The following LRMDA variants were observed in gnomAD, a reference collection of about 807,000 sequenced individuals.
LRMDA encodes leucine rich melanocyte differentiation associated, also known as leucine-rich melanocyte differentiation-associated protein.
LRMDA carries 18 observed loss-of-function variants against 29.8 expected under a neutral mutation model. That is an observed-to-expected ratio of 0.60 (90% CI 0.42 to 0.90). The LOEUF (loss-of-function observed/expected upper bound fraction) is 0.90. LRMDA is among the 40% of genes least tolerant of loss of function. The probability of loss-of-function intolerance (pLI) is 0.00; values close to 1 mark genes in which losing one functional copy is unlikely to be tolerated. For missense variants in LRMDA, 273 were observed against 273.9 expected (o/e 1.00, Z 0.02); for synonymous variants, 125 against 109.4 (o/e 1.14, Z -0.89).
At chr10:75,999,583 A>C (rs192989686) in intron 2 of LRMDA, among the ~76,000 whole-genome samples, 113 of 152,322 alleles carry the variant, frequency 7.4e-4, no homozygotes, top group Non-Finnish European at 1.4e-3. Flanking sequence ...TAAGTCCCCA[A>C]TCTAGGAGTT....
chr10:75,916,342 A>G (rs892232627), intron 2 of LRMDA, among the ~76,000 whole-genome samples: 24 of 152,148 alleles, frequency 1.6e-4, no homozygotes, highest in African/African-American at 5.8e-4. Context: ...ACTGCCAGGC[A>G]CACATGGCTA....
chr10:75,580,888 C>T (rs1840580652), intron 2 of LRMDA, among the ~76,000 whole-genome samples: 2 of 152,212 alleles, frequency 1.3e-5, no homozygotes, highest in Admixed American at 1.3e-4. Context: ...GAAACTGGAT[C>T]TCTTCCTTAC....
intron 5 of LRMDA, among the ~76,000 whole-genome samples, chr10:76,230,368 A>G (rs1006423334): frequency 3.1e-4 from 47 of 152,286 alleles, no homozygotes; most frequent in Middle Eastern, 3.4e-3. Context: ...GGGAGAATAT[A>G]CTTTTTTGGA....
At chr10:75,657,028 G>A (rs1589148431) in intron 2 of LRMDA, among the ~76,000 whole-genome samples, 2 of 152,312 alleles carry the variant, frequency 1.3e-5, no homozygotes, top group South Asian at 2.1e-4. Flanking sequence ...GGCTTGAGAG[G>A]AAGGAGCATG....
intron 5 of LRMDA, among the ~76,000 whole-genome samples, chr10:76,085,008 T>G (rs917697681): frequency 6.6e-6 from 1 of 152,178 alleles, no homozygotes; most frequent in Non-Finnish European, 1.5e-5. Flanking sequence ...ATTGCAGCAC[T>G]GGAGAGAGAT....
intron 5 of LRMDA, among the ~76,000 whole-genome samples, chr10:76,069,771 T>C (rs1465762790): frequency 6.6e-6 from 1 of 152,170 alleles, no homozygotes; most frequent in Non-Finnish European, 1.5e-5. Flanking sequence ...CGTATTTTTG[T>C]TGGGCCCATT....
rs535806806 is a variant in LRMDA at position 76,188,679 on chromosome 10, T to C, written c.516+129896T>C. ...CTGGGCCATGTGTAGATTTGTGTTT[T>C]CATTTTCAAGTTGTCTTCAAGCTCC... On this transcript the variant is annotated intron_variant, in intron 5 of 6. Transcript: ENST00000611255. Among the ~76,000 whole-genome samples the C allele has an allele frequency of 5.3e-5, 8 of 152,258 alleles. No individual in the cohort carries two copies. The South Asian group carries it at 1.7e-3, about 32-fold the overall frequency.
intron 2 of LRMDA, among the ~76,000 whole-genome samples, chr10:75,889,177 G>A (rs1290808461): frequency 1.3e-5 from 2 of 152,172 alleles, no homozygotes; most frequent in South Asian, 2.1e-4. Context: ...GCCTGTGTGC[G>A]AGATTCTTAA....
chr10:76,086,789 C>G (rs1219580744), intron 5 of LRMDA, among the ~76,000 whole-genome samples: 2 of 152,126 alleles, frequency 1.3e-5, no homozygotes, highest in African/African-American at 4.8e-5. Context: ...GAGTGATGCT[C>G]CCAGCCAAAG....
At chr10:76,457,314 C>T (rs1470999707) in intron 6 of LRMDA, among the ~76,000 whole-genome samples, 9 of 152,172 alleles carry the variant, frequency 5.9e-5, no homozygotes, top group Admixed American at 5.2e-4. Context: ...AAATCTGTAG[C>T]CCCCAAATCA....
At chr10:75,961,091 C>A (rs921838342) in intron 2 of LRMDA, among the ~76,000 whole-genome samples, 12 of 152,164 alleles carry the variant, frequency 7.9e-5, no homozygotes, top group Admixed American at 2.6e-4. Context: ...AGTTGTAAAT[C>A]TCTGGAACTC....
At chr10:75,774,953 G>A (rs1383311659) in intron 2 of LRMDA, among the ~76,000 whole-genome samples, 4 of 152,216 alleles carry the variant, frequency 2.6e-5, no homozygotes, top group Non-Finnish European at 4.4e-5. Context: ...TGATATCAGC[G>A]GTGGGAGGTG....
At chr10:76,224,667 CTTT>C (rs35143239) in intron 5 of LRMDA, among the ~76,000 whole-genome samples, 22 of 105,338 alleles carry the variant, frequency 2.1e-4, no homozygotes, top group South Asian at 3.4e-4. Flanking sequence ...GTCTAGGACT[CTTT>C]TTTTTTTTTT....
intron 2 of LRMDA, among the ~76,000 whole-genome samples, chr10:75,621,427 G>T (rs891852079): frequency 6.6e-6 from 1 of 152,180 alleles, no homozygotes; most frequent in Non-Finnish European, 1.5e-5. Context: ...CTCATGCAGT[G>T]CTCAGCACAG....
intron 2 of LRMDA, among the ~76,000 whole-genome samples, chr10:75,511,817 C>A (rs1225057304): frequency 6.6e-6 from 1 of 152,180 alleles, no homozygotes; most frequent in Non-Finnish European, 1.5e-5. Context: ...GAGCTCCCCA[C>A]CAGAGAGAAT....
intron 6 of LRMDA, among the ~76,000 whole-genome samples, chr10:76,330,408 G>T (rs1278920957): frequency 6.6e-6 from 1 of 152,194 alleles, no homozygotes; most frequent in African/African-American, 2.4e-5. Flanking sequence ...AGGCCTGTCT[G>T]TTCAGATTCT....
intron 2 of LRMDA, among the ~76,000 whole-genome samples, chr10:75,991,723 TTTTG>T (rs1003858743): frequency 2.6e-5 from 4 of 152,174 alleles, no homozygotes; most frequent in African/African-American, 7.2e-5. Context: ...CTCTCATAGT[TTTTG>T]TTTGTTTGTT....
At chr10:76,362,114 A>G (rs1259427107) in intron 6 of LRMDA, among the ~76,000 whole-genome samples, 3 of 152,186 alleles carry the variant, frequency 2.0e-5, no homozygotes, top group Non-Finnish European at 4.4e-5. Flanking sequence ...AAACCCACAT[A>G]ACACGACACT....
At chr10:75,789,820 G>A (rs1472804819) in intron 2 of LRMDA, among the ~76,000 whole-genome samples, 1 of 152,068 alleles carries the variant, frequency 6.6e-6, no homozygotes, top group Non-Finnish European at 1.5e-5. Context: ...TGATTAATAC[G>A]AGTCTTTGCT....
Sources: gnomAD v4.1 joint callset for allele counts (sites outside exome capture counted in the v4.1 genomes callset) on GRCh38, gnomAD v4.1.1 for gene constraint, MANE v1.5 for transcripts, NCBI Gene and HGNC (gene_info 2026-07-23, HGNC 2026-07-21) for gene names.